DOK6: variants seen among roughly 807,000 people sequenced by gnomAD.
The protein encoded by DOK6 is docking protein 6.
DOK6 carries 22 observed loss-of-function variants against 44.0 expected under a neutral mutation model. That is an observed-to-expected ratio of 0.50 (90% confidence interval 0.36 to 0.71). The LOEUF (loss-of-function observed/expected upper bound fraction) is 0.71, where lower values mean the gene tolerates loss of function less well. Ranked by LOEUF, DOK6 falls within the 30% of genes least tolerant of loss-of-function variation. DOK6 has a pLI of 0.00. For missense variants in DOK6, 340 were observed against 416.4 expected (o/e 0.82, Z 1.60); for synonymous variants, 166 against 145.5 (o/e 1.14, Z -1.01).
rs57486782 is a variant in DOK6, at chr18:69,811,524, TTATATATATATATATATATATATATA to T, written c.857-29692_857-29667del. On this transcript the variant is annotated intron_variant, in intron 7 of 7. Transcript: ENST00000382713. ...TAATTAGCTTGATTTAACCATTCCA[TTATATATATATATATATATATATATA>T]TATATATATATATATATATATATAT... 8.6e-4 allele frequency among the ~76,000 whole-genome samples: 81 copies of T among 93,758 alleles called. 1 individual carries two copies. Among genetic ancestry groups the T allele is most frequent in the African/African-American group, 1.6e-3 (35 of 21,696 alleles). 61.5% of individuals were successfully genotyped at this position (93,758 alleles called of 152,430 possible). A position where few individuals can be genotyped will look rare whatever the true frequency, so the allele number is the denominator to read the frequency against.
At position 69,775,332 on chromosome 18, in the gene DOK6, C is replaced by T. The variant is rs1376677201; in HGVS notation, c.856+17459C>T. On this transcript the variant is annotated intron_variant, in intron 7 of 7. Coordinates refer to ENST00000382713, the MANE Select transcript of DOK6 (RefSeq NM_152721.6). ...TACAAGAAGTAAAGATACTGTTAAA[C>T]GTGACCAAACCTAATATACATTAAC... is the stretch of plus-strand genomic sequence containing the variant. Among the ~76,000 whole-genome samples the T allele has an allele frequency of 4.0e-5, 6 of 151,854 alleles. No homozygotes were observed. The South Asian group carries it at 1.0e-3, about 26-fold the overall frequency.
Position 69,845,164 on chromosome 18 carries a change from C to T in DOK6, c.*3781C>T, listed in dbSNP as rs1458360940. 2 of 152,212 alleles carry T rather than the reference C, an allele frequency of 1.3e-5. No individual in the cohort carries two copies. The highest frequency in any genetic ancestry group is 3.9e-4 in the East Asian group (2 of 5,192). The allele number at this position is 152,212 out of a possible 1,614,324, so 9.4% of individuals were successfully genotyped here. A position where few individuals can be genotyped will look rare whatever the true frequency, so the allele number is the denominator to read the frequency against. On this transcript the variant is annotated 3_prime_UTR_variant, in exon 8 of 8. Transcript: ENST00000382713. The stretch of plus-strand genomic sequence containing the variant: ...TTACTAAAATTGGCCATTAGTGATA[C>T]AGTGAAAACAAGCTAAGGAAATGAT...
At chr18:69,608,567 A>G (rs1599219146) in intron 3 of DOK6, among the ~76,000 whole-genome samples, 1 of 152,176 alleles carries the variant, frequency 6.6e-6, no homozygotes, top group African/African-American at 2.4e-5. Context: ...GAGGGATTGC[A>G]CTGAATCTGT....
intron 5 of DOK6, among the ~76,000 whole-genome samples, chr18:69,719,985 T>C (rs1267637614): frequency 6.6e-6 from 1 of 152,086 alleles, no homozygotes; most frequent in Non-Finnish European, 1.5e-5. Flanking sequence ...AGGTCAAGAG[T>C]TCGAGACCAC....
At chr18:69,567,465 A>G (rs1349683834) in intron 2 of DOK6, among the ~76,000 whole-genome samples, 2 of 152,176 alleles carry the variant, frequency 1.3e-5, no homozygotes, top group Admixed American at 6.5e-5. Flanking sequence ...AAAATTTTTA[A>G]AAACCATTAC....
chr18:69,743,733 G>A (rs1785724339), intron 6 of DOK6, among the ~76,000 whole-genome samples: 1 of 151,202 alleles, frequency 6.6e-6, no homozygotes, highest in Non-Finnish European at 1.5e-5. Flanking sequence ...GGGGGGGATT[G>A]TCAGTAATTT....
chr18:69,600,176 T>TA (rs377121634), intron 3 of DOK6, among the ~76,000 whole-genome samples: 53,587 of 151,834 alleles, frequency 0.35, 9,535 homozygotes, highest in Middle Eastern at 0.51. Context: ...TTGCAAGATG[T>TA]GAACTTAAAC....
chr18:69,777,466 T>C (rs1980109860), intron 7 of DOK6, among the ~76,000 whole-genome samples: 1 of 152,130 alleles, frequency 6.6e-6, no homozygotes, highest in African/African-American at 2.4e-5. Flanking sequence ...CTTTCACTTG[T>C]AACTCCTTAA....
At chr18:69,838,221 G>C (rs1982106306) in intron 7 of DOK6, among the ~76,000 whole-genome samples, 1 of 144,320 alleles carries the variant, frequency 6.9e-6, no homozygotes, top group Admixed American at 6.9e-5. Flanking sequence ...TTCTCTTTCA[G>C]ATATGTCTAA....
At chr18:69,774,124 TATATATGAG>T (rs1358920677) in intron 7 of DOK6, among the ~76,000 whole-genome samples, 1 of 104,948 alleles carries the variant, frequency 9.5e-6, no homozygotes, top group East Asian at 3.0e-4. Context: ...TATATAGATA[TATATATGAG>T]ATATATATAT....
At chr18:69,787,462 G>C (rs558809246) in intron 7 of DOK6, among the ~76,000 whole-genome samples, 1 of 152,122 alleles carries the variant, frequency 6.6e-6, no homozygotes, top group Non-Finnish European at 1.5e-5. Flanking sequence ...AAGAGAAAAT[G>C]GAATCAATAC....
chr18:69,654,565 A>C (rs1469896542), intron 3 of DOK6, among the ~76,000 whole-genome samples: 1 of 152,214 alleles, frequency 6.6e-6, no homozygotes, highest in Non-Finnish European at 1.5e-5. Context: ...AGGCTGACAC[A>C]TCTCTCTCAC....
chr18:69,736,721 T>C (rs767366170), intron 5 of DOK6, among the ~76,000 whole-genome samples: 6 of 152,228 alleles, frequency 3.9e-5, no homozygotes, highest in Non-Finnish European at 8.8e-5. Context: ...CTTTTTGACA[T>C]ATTTATTTAT....
intron 5 of DOK6, among the ~76,000 whole-genome samples, chr18:69,706,069 ACT>A (rs1187422164): frequency 1.3e-5 from 2 of 152,222 alleles, no homozygotes; most frequent in Non-Finnish European, 2.9e-5. Context: ...ACTTGACAGC[ACT>A]GTTTGTCACA....
intron 4 of DOK6, among the ~76,000 whole-genome samples, chr18:69,686,814 T>G (rs1986162399): frequency 6.6e-6 from 1 of 152,078 alleles, no homozygotes; most frequent in Non-Finnish European, 1.5e-5. Flanking sequence ...TTAGATTGAG[T>G]TAAAATAATC....
chr18:69,452,674 C>T (rs534180152), intron 1 of DOK6, among the ~76,000 whole-genome samples: 11,042 of 147,988 alleles, frequency 0.075, 508 homozygotes, highest in Non-Finnish European at 0.1. Context: ...AAAATACTGG[C>T]AAACCGAATC....
chr18:69,712,052 C>A (rs963688784), intron 5 of DOK6, among the ~76,000 whole-genome samples: 3 of 151,310 alleles, frequency 2.0e-5, no homozygotes, highest in Non-Finnish European at 4.4e-5. Flanking sequence ...GAGGCCGAGG[C>A]GGGCGGATCA....
chr18:69,515,110 T>G (rs1981484562), intron 1 of DOK6, among the ~76,000 whole-genome samples: 1 of 152,196 alleles, frequency 6.6e-6, no homozygotes, highest in Non-Finnish European at 1.5e-5. Context: ...ACTATAATAT[T>G]TAAAACACAT....
chr18:69,481,032 T>C (rs1980403061), intron 1 of DOK6, among the ~76,000 whole-genome samples: 1 of 152,092 alleles, frequency 6.6e-6, no homozygotes, highest in African/African-American at 2.4e-5. Flanking sequence ...TTAAATTCAG[T>C]GCCAGAGGAG....
Sources: gnomAD v4.1 joint callset for allele counts (sites outside exome capture counted in the v4.1 genomes callset) on GRCh38, gnomAD v4.1.1 for gene constraint, MANE v1.5 for transcripts, NCBI Gene and HGNC (gene_info 2026-07-23, HGNC 2026-07-21) for gene names.